The following CHLSN variants were observed in gnomAD, a reference collection of about 807,000 sequenced individuals.
CHLSN encodes the protein cholesin.
chr7:990,420 C>T, the CHLSN span, among the ~76,000 whole-genome samples: 5 of 151,960 alleles, frequency 3.3e-5, no homozygotes, highest in Admixed American at 6.5e-5. Flanking sequence ...TCTGAGACGG[C>T]CCTGGCCCCC....
chr7:1,040,769 G>C, the CHLSN span, among the ~76,000 whole-genome samples: 1 of 151,392 alleles, frequency 6.6e-6, no homozygotes, highest in East Asian at 1.9e-4. Flanking sequence ...CCCTCATTAA[G>C]AGGATGTAAG....
chr7:1,078,918 A>G, the CHLSN span, among the ~76,000 whole-genome samples: 3 of 150,486 alleles, frequency 2.0e-5, no homozygotes, highest in Non-Finnish European at 4.4e-5. Context: ...TCCATCCCCC[A>G]CCCCAGCGGG....
chr7:1,106,991 G>C, the CHLSN span, among the ~76,000 whole-genome samples: 1 of 152,282 alleles, frequency 6.6e-6, no homozygotes, highest in South Asian at 2.1e-4. Context: ...ACCAGGCCAC[G>C]GGGAAGCGCA....
At chr7:1,024,360 T>C in the CHLSN span, 1 of 152,148 alleles carries the variant, frequency 6.6e-6, no homozygotes, top group East Asian at 1.9e-4. Context: ...CTAAACAGCC[T>C]GAGTTCAGCT....
chr7:1,000,509 C>T, the CHLSN span: 4 of 1,609,638 alleles, frequency 2.5e-6, no homozygotes, highest in Admixed American at 1.7e-5. Flanking sequence ...GCCACGTCTG[C>T]CTCGTCTTCT....
the CHLSN span, among the ~76,000 whole-genome samples, chr7:1,023,478 C>T: frequency 1.3e-5 from 2 of 151,984 alleles, no homozygotes; most frequent in South Asian, 2.1e-4. This position sits in a 1 kb window ranked among gnomAD's most constrained non-coding sequence, Gnocchi z 5.0. Context: ...TCCTGGGAAC[C>T]TGGGACCCCT....
the CHLSN span, among the ~76,000 whole-genome samples, chr7:1,127,671 A>G: frequency 1.5e-5 from 1 of 65,590 alleles, no homozygotes; most frequent in Admixed American, 1.7e-4. Context: ...GGCTCATCCC[A>G]CCGTCACCCG....
the CHLSN span, among the ~76,000 whole-genome samples, chr7:1,081,520 T>C: frequency 6.6e-6 from 1 of 152,216 alleles, no homozygotes; most frequent in Non-Finnish European, 1.5e-5. Flanking sequence ...CAGCCTGGAC[T>C]GGAGCCAGAA....
the CHLSN span, chr7:1,087,190 A>G: frequency 6.6e-6 from 1 of 152,260 alleles, no homozygotes; most frequent in Non-Finnish European, 1.5e-5. Context: ...ATCCGCAACC[A>G]TGAGCAGGAG....
At chr7:1,041,096 G>A in the CHLSN span, among the ~76,000 whole-genome samples, 1 of 152,220 alleles carries the variant, frequency 6.6e-6, no homozygotes. Flanking sequence ...GCTGGAAGCT[G>A]TGCAGACGGA....
chr7:1,111,795 CT>C, the CHLSN span, among the ~76,000 whole-genome samples: 4 of 150,592 alleles, frequency 2.7e-5, no homozygotes, highest in Admixed American at 1.3e-4. Flanking sequence ...GAGGGAGACC[CT>C]CTCAAAAAAA....
chr7:1,091,787 A>C, the CHLSN span: 1 of 1,584,944 alleles, frequency 6.3e-7, no homozygotes, highest in African/African-American at 1.3e-5. Context: ...GGCACCGCGC[A>C]GCCTGCGGCC....
At chr7:1,016,494 C>A in the CHLSN span, among the ~76,000 whole-genome samples, 1 of 138,076 alleles carries the variant, frequency 7.2e-6, no homozygotes. Context: ...CACACAGCAG[C>A]GCACAGCAGC....
the CHLSN span, among the ~76,000 whole-genome samples, chr7:1,099,834 C>G: frequency 4.3e-4 from 66 of 152,304 alleles, no homozygotes; most frequent in African/African-American, 1.4e-3. Context: ...GCGGTTTGCT[C>G]AGAACTCCAG....
chr7:986,589 C>G, the CHLSN span: 1 of 1,609,052 alleles, frequency 6.2e-7, no homozygotes, highest in South Asian at 1.1e-5. Context: ...CCTGGGGCTG[C>G]GTCCTTATCT....
chr7:1,015,234 C>T, the CHLSN span, among the ~76,000 whole-genome samples: 4 of 152,082 alleles, frequency 2.6e-5, no homozygotes, highest in South Asian at 2.1e-4. Flanking sequence ...GAGGTGGGGT[C>T]GGGAAGAGGC....
At chr7:1,111,013 T>C in the CHLSN span, among the ~76,000 whole-genome samples, 1 of 152,122 alleles carries the variant, frequency 6.6e-6, no homozygotes, top group Non-Finnish European at 1.5e-5. Flanking sequence ...GAGGTGGCGG[T>C]TGCAGTGAGC....
chr7:1,108,315 G>T, the CHLSN span, among the ~76,000 whole-genome samples: 2 of 147,820 alleles, frequency 1.4e-5, no homozygotes, highest in East Asian at 4.0e-4. Flanking sequence ...TCCCACACTG[G>T]AGTCCCGCGC....
chr7:1,025,324 G>A, the CHLSN span: 1 of 146,184 alleles, frequency 6.8e-6, no homozygotes, highest in African/African-American at 2.5e-5. Flanking sequence ...AGGATCCCAA[G>A]TGGGGGGAGG....
Sources: gnomAD v4.1 joint callset for allele counts (sites outside exome capture counted in the v4.1 genomes callset) on GRCh38, gnomAD v4.1.1 for gene constraint, Gnocchi (gnomAD v3.1) non-coding constraint, MANE v1.5 for transcripts, NCBI Gene and HGNC (gene_info 2026-07-23, HGNC 2026-07-21) for gene names.